The following ABHD17B variants were observed in gnomAD, a reference collection of about 807,000 sequenced individuals.
The protein encoded by ABHD17B is alpha/beta hydrolase domain-containing protein 17B.
ABHD17B carries 9 observed loss-of-function variants against 26.2 expected under a neutral mutation model. That is an observed-to-expected ratio of 0.34 (90% CI 0.21 to 0.60). The LOEUF is 0.60. Among genes scored for constraint, ABHD17B ranks in the 20% least tolerant of loss-of-function variants. ABHD17B has a pLI of 0.80. For synonymous variants in ABHD17B, 127 were observed against 122.3 expected (o/e 1.04, Z -0.25); for missense variants, 224 against 352.1 (o/e 0.64, Z 2.91).
At chr9:71,904,867 C>T (rs1196021260) in intron 1 of ABHD17B, among the ~76,000 whole-genome samples, 1 of 151,996 alleles carries the variant, frequency 6.6e-6, no homozygotes, top group Non-Finnish European at 1.5e-5. Flanking sequence ...AAAAAATTAC[C>T]TAATTTCACA....
intron 1 of ABHD17B, among the ~76,000 whole-genome samples, chr9:71,893,339 C>T (rs531686966): frequency 5.3e-5 from 8 of 152,296 alleles, no homozygotes; most frequent in African/African-American, 1.7e-4. Flanking sequence ...ATCTAAAGCC[C>T]CAGGTTGTTT....
chr9:71,872,856 C>T (rs1422253035), intron 2 of ABHD17B, among the ~76,000 whole-genome samples: 1 of 152,030 alleles, frequency 6.6e-6, no homozygotes, highest in Non-Finnish European at 1.5e-5. Context: ...TCTTTACCTA[C>T]TACTTGCCAT....
Position 71,865,291 on chromosome 9 carries a change from T to C in ABHD17B, c.*1496A>G, listed in dbSNP as rs1356669323. 3 of 985,558 alleles carry C rather than the reference T, an allele frequency of 3.0e-6. No homozygotes were observed. Among genetic ancestry groups the C allele is most frequent in the African/African-American group, 3.5e-5 (2 of 57,240 alleles). 61.1% of individuals were successfully genotyped at this position (985,558 alleles called of 1,614,324 possible). Reference sequence around the variant, plus strand: ...AACGAGCAGAACAATTAAAACTACATAAGGCCTTAAAATATATCCACAGTG... The same window carrying C: ...AACGAGCAGAACAATTAAAACTACACAAGGCCTTAAAATATATCCACAGTG... On this transcript the variant is annotated 3_prime_UTR_variant, in exon 4 of 4. Transcript: ENST00000333421.
chr9:71,878,162 A>G (rs1826334680), intron 1 of ABHD17B, among the ~76,000 whole-genome samples: 1 of 152,166 alleles, frequency 6.6e-6, no homozygotes, highest in Non-Finnish European at 1.5e-5. Context: ...TCACTGAAAT[A>G]GCTTGTTAAA....
chr9:71,910,179 C>T (rs1171678088), intron 1 of ABHD17B, among the ~76,000 whole-genome samples: 1 of 152,088 alleles, frequency 6.6e-6, no homozygotes, highest in African/African-American at 2.4e-5. Context: ...TAAGGACATT[C>T]AGGAGAAAGC....
intron 1 of ABHD17B, among the ~76,000 whole-genome samples, chr9:71,877,550 T>C (rs929588801): frequency 1.3e-5 from 2 of 152,196 alleles, no homozygotes; most frequent in African/African-American, 2.4e-5. Context: ...CCCCAGTAGC[T>C]GGGATTACAG....
At chr9:71,871,596 A>G (rs1349148247) in intron 2 of ABHD17B, among the ~76,000 whole-genome samples, 2 of 152,238 alleles carry the variant, frequency 1.3e-5, no homozygotes, top group African/African-American at 4.8e-5. Flanking sequence ...GGCTACAGCT[A>G]GCAATGACAA....
intron 1 of ABHD17B, among the ~76,000 whole-genome samples, chr9:71,896,175 C>G (rs1467278524): frequency 6.6e-6 from 1 of 152,158 alleles, no homozygotes; most frequent in East Asian, 1.9e-4. Context: ...ATAAACCAAG[C>G]TGAATCTTAA....
intron 1 of ABHD17B, among the ~76,000 whole-genome samples, chr9:71,901,174 AT>A (rs35622710): frequency 0.016 from 2,334 of 145,976 alleles, 29 homozygotes; most frequent in African/African-American, 0.038. Context: ...TAAATAAATA[AT>A]TTTTTTTTTT....
chr9:71,869,357 A>C (rs1394570816), intron 3 of ABHD17B, among the ~76,000 whole-genome samples: 1 of 152,164 alleles, frequency 6.6e-6, no homozygotes, highest in African/African-American at 2.4e-5. Flanking sequence ...CACAAAAAAA[A>C]TCCTTTGTAT....
Position 71,875,012 on chromosome 9 carries a change from A to T in ABHD17B, c.69T>A (p.Ala23=), listed in dbSNP as rs1826224752. ...FCCPPCPGKI[A]SKLAFLPPDP... ...CAGGTGGCAAAAACGCTAATTTTGAAGCAATCTTCCCTGGACAAGGTGGAC... is the reference window on the plus strand; with the variant it reads ...CAGGTGGCAAAAACGCTAATTTTGATGCAATCTTCCCTGGACAAGGTGGAC... The change falls in exon 2 of 4, where the codon GCT becomes GCA. Residue 23 remains alanine (A), a synonymous_variant. Coordinates refer to ENST00000333421, the MANE Select transcript of ABHD17B (RefSeq NM_001025780.3). 6.2e-7 allele frequency: 1 copy of T among 1,614,144 alleles called. No individual in the cohort carries two copies. The highest frequency in any genetic ancestry group is 2.2e-5 in the East Asian group (1 of 44,886).
chr9:71,871,086 G>A (rs1213004616), intron 2 of ABHD17B, among the ~76,000 whole-genome samples: 1 of 152,150 alleles, frequency 6.6e-6, no homozygotes, highest in African/African-American at 2.4e-5. Flanking sequence ...AGTGCTACCT[G>A]AGCTAATGAA....
chr9:71,874,672 G>A lies in ABHD17B; in HGVS notation c.409C>T (p.Pro137Ser), dbSNP rs772602985. ...YSGYGASSGK[P>S]TEKNLYADIE... ...TCTGCATAGAGGTTCTTCTCTGTGG[G>A]TTTCCCGGAACTGGCACCATATCCA... Residue 137 changes from proline to serine, a missense_variant, in exon 2 of 4, where the codon CCC (proline) becomes TCC (serine). Pro to Ser is a moderately conservative substitution (Grantham distance 74). Coordinates refer to ENST00000333421, the MANE Select transcript of ABHD17B (RefSeq NM_001025780.3). The A allele has an allele frequency of 1.2e-6, 2 of 1,613,090 alleles. No homozygotes were observed. The highest frequency in any genetic ancestry group is 8.5e-7 in the Non-Finnish European group (1 of 1,179,454).
At chr9:71,892,853 T>G (rs1360323007) in intron 1 of ABHD17B, among the ~76,000 whole-genome samples, 2 of 152,146 alleles carry the variant, frequency 1.3e-5, no homozygotes, top group Non-Finnish European at 2.9e-5. Context: ...TGGCATTAAA[T>G]ACATCCACAT....
intron 1 of ABHD17B, among the ~76,000 whole-genome samples, chr9:71,888,060 A>G (rs1460327540): frequency 6.6e-6 from 1 of 152,230 alleles, no homozygotes; most frequent in Non-Finnish European, 1.5e-5. Context: ...TGTGACTATT[A>G]GCTAATGAAT....
chr9:71,899,973 A>T (rs1447988467), intron 1 of ABHD17B, among the ~76,000 whole-genome samples: 4 of 152,246 alleles, frequency 2.6e-5, no homozygotes, highest in Non-Finnish European at 5.9e-5. Context: ...TACTAAAAAC[A>T]AGCCAGAACA....
chr9:71,875,069 A>G lies in ABHD17B; in HGVS notation c.12T>C (p.Leu4=). MNN[L]SFSELCCLFC... The stretch of plus-strand genomic sequence containing the variant: ...AGAGGCAACATAGCTCACTAAATGA[A>G]AGATTATTCATGCTCTGAAAAAGAA... The change falls in exon 2 of 4, where the codon CTT becomes CTC. Residue 4 remains leucine (L), a synonymous_variant. Transcript: ENST00000333421. 1 of 1,604,864 alleles carries G rather than the reference A, an allele frequency of 6.2e-7. No individual in the cohort carries two copies. Among genetic ancestry groups the G allele is most frequent in the Non-Finnish European group, 8.5e-7 (1 of 1,173,276 alleles).
chr9:71,868,803 C>T (rs2132123929), intron 3 of ABHD17B, among the ~76,000 whole-genome samples: 1 of 152,290 alleles, frequency 6.6e-6, no homozygotes, highest in South Asian at 2.1e-4. Context: ...ATTCTCATGC[C>T]TCAGCCTCTC....
In ABHD17B at chr9:71,875,117, T is replaced by A. The variant is rs376967325; in HGVS notation, c.-3-34A>T. 2.6e-6 allele frequency: 4 copies of A among 1,512,974 alleles called. No individual in the cohort carries two copies. In the African/African-American group the frequency reaches 4.1e-5, roughly 16 times the overall value. The allele number at this position is 1,512,974 out of a possible 1,614,324, so 93.7% of individuals were successfully genotyped here. ...GAAAAGGAGATAGCAAATATTTTAA[T>A]AACTGAATGTAGACTCATACAATAA... On this transcript the variant is annotated intron_variant, in intron 1 of 3. Coordinates refer to ENST00000333421, the MANE Select transcript of ABHD17B (RefSeq NM_001025780.3).
Sources: allele counts gnomAD v4.1 joint callset (sites outside exome capture counted in the v4.1 genomes callset), GRCh38; gene constraint gnomAD v4.1.1; transcripts MANE v1.5; gene names NCBI Gene and HGNC (gene_info 2026-07-23, HGNC 2026-07-21).